DNAJB12: variants seen among roughly 807,000 people sequenced by gnomAD.
DNAJB12 encodes the protein DnaJ heat shock protein family (Hsp40) member B12, also known as dnaJ homolog subfamily B member 12.
Under a neutral mutation model 40.6 loss-of-function variants are expected in DNAJB12, and 14 were observed. That is an observed-to-expected ratio of 0.34 (90% CI 0.23 to 0.54). DNAJB12 has a LOEUF of 0.54. Ranked by LOEUF, DNAJB12 falls within the 20% of genes least tolerant of loss-of-function variation. DNAJB12 has a pLI of 0.92. For synonymous variants in DNAJB12, 181 were observed against 199.5 expected, an observed-to-expected ratio of 0.91 and a Z score of 0.78; for missense variants, 444 against 501.7, an observed-to-expected ratio of 0.89 and a Z score of 1.10.
At chr10:72,347,413 T>C (rs1021624775) in intron 1 of DNAJB12, among the ~76,000 whole-genome samples, 9 of 152,216 alleles carry the variant, frequency 5.9e-5, no homozygotes, top group African/African-American at 2.2e-4. Flanking sequence ...CTGGAGGCCT[T>C]TGCTTAGCTG....
intron 3 of DNAJB12, among the ~76,000 whole-genome samples, chr10:72,343,161 T>C (rs1301924579): frequency 6.6e-6 from 1 of 152,222 alleles, no homozygotes; most frequent in African/African-American, 2.4e-5. Context: ...GGAATGGTGC[T>C]ATCTGAGCTC....
intron 1 of DNAJB12, 122 bp downstream of exon 1, chr10:72,354,643 A>G: frequency 1.1e-6 from 1 of 922,894 alleles, no homozygotes; most frequent in Non-Finnish European, 1.6e-6. Flanking sequence ...CGCGCGCCTC[A>G]GTGCGCAGGC....
chr10:72,339,448 C>T (rs891402881), intron 5 of DNAJB12, among the ~76,000 whole-genome samples: 2 of 151,764 alleles, frequency 1.3e-5, no homozygotes, highest in African/African-American at 2.4e-5. Context: ...ACAGGAGAAT[C>T]ACTTGAACCT....
At chr10:72,343,825 G>A (rs538934223) in intron 2 of DNAJB12, among the ~76,000 whole-genome samples, 37 of 151,948 alleles carry the variant, frequency 2.4e-4, no homozygotes, top group Non-Finnish European at 4.7e-4. Flanking sequence ...GAGGACTGTC[G>A]GTGTCCATCA....
chr10:72,333,459 A>G lies in DNAJB12; in HGVS notation c.*1189T>C, dbSNP rs934339086. On this transcript the variant is annotated 3_prime_UTR_variant, in exon 9 of 9. Coordinates refer to ENST00000444643, the MANE Select transcript of DNAJB12 (RefSeq NM_017626.7). ...GAGGAGGCCTGGCGGTCACATCAAC[A>G]GCGAGTGAAGACAGAGGCAGCCACG... 1 of 152,598 alleles carries G rather than the reference A, an allele frequency of 6.6e-6. No individual in the cohort carries two copies. The highest frequency in any genetic ancestry group is 1.5e-5 in the Non-Finnish European group (1 of 68,064). 9.5% of individuals were successfully genotyped at this position (152,598 alleles called of 1,614,324 possible). A position where few individuals can be genotyped will look rare whatever the true frequency, so the allele number is the denominator to read the frequency against.
At chr10:72,334,793 T>A (rs547187309) in intron 8 of DNAJB12, 176 bp from the exon 9 acceptor site, 2 of 1,386,838 alleles carry the variant, frequency 1.4e-6, no homozygotes, top group South Asian at 3.4e-5. Flanking sequence ...CAGGCACAAA[T>A]GGCCTCCAGG....
In DNAJB12 at chr10:72,335,602, C is replaced by T; in HGVS notation, c.*30+178G>A. ...AGCATCGCTAGAGGGCGGAAACCGA[C>T]CTTGGTTTCCCAGCAGGCCCCACAG... On this transcript the variant is annotated intron_variant, in intron 8 of 8. Coordinates refer to ENST00000444643, the MANE Select transcript of DNAJB12 (RefSeq NM_017626.7). This position sits in a 1 kb window ranked among gnomAD's most constrained non-coding sequence, Gnocchi z 4.4. 7.2e-7 allele frequency: 1 copy of T among 1,390,466 alleles called. No individual in the cohort carries two copies. The highest frequency in any genetic ancestry group is 9.3e-7 in the Non-Finnish European group (1 of 1,071,998). The allele number at this position is 1,390,466 out of a possible 1,614,324, so 86.1% of individuals were successfully genotyped here. A position where few individuals can be genotyped will look rare whatever the true frequency, so the allele number is the denominator to read the frequency against.
intron 4 of DNAJB12, 43 bp from the exon 5 acceptor site, chr10:72,340,911 A>T: frequency 6.2e-7 from 1 of 1,610,770 alleles, no homozygotes; most frequent in Non-Finnish European, 8.5e-7. Flanking sequence ...GTCTGTTGGG[A>T]AAGGGAGAGG....
intron 1 of DNAJB12, among the ~76,000 whole-genome samples, chr10:72,350,692 T>C (rs1214223953): frequency 1.3e-5 from 2 of 152,106 alleles, no homozygotes. Flanking sequence ...GGGCCTGGGA[T>C]TGGAGATGGA....
intron 1 of DNAJB12, among the ~76,000 whole-genome samples, chr10:72,349,462 C>T (rs1434920982): frequency 6.6e-6 from 1 of 152,162 alleles, no homozygotes; most frequent in Non-Finnish European, 1.5e-5. Flanking sequence ...TCCATGCCAG[C>T]TACCAAGGGG....
At chr10:72,347,601 T>G (rs1861824365) in intron 1 of DNAJB12, among the ~76,000 whole-genome samples, 1 of 152,222 alleles carries the variant, frequency 6.6e-6, no homozygotes, top group South Asian at 2.1e-4. Context: ...ACTATCACCC[T>G]CGGCAGCATC....
intron 2 of DNAJB12, 143 bp from the exon 3 acceptor site, chr10:72,343,654 G>T: frequency 1.2e-6 from 1 of 864,460 alleles, no homozygotes; most frequent in Non-Finnish European, 1.8e-6. Context: ...TGGGTCAGCT[G>T]TGTGACACCA....
rs1333561434 is a variant in DNAJB12 at position 72,335,726 on chromosome 10, G to C, written c.*30+54C>G. The C allele has an allele frequency of 1.4e-5, 22 of 1,583,646 alleles. No homozygotes were observed. Among genetic ancestry groups the C allele is most frequent in the Non-Finnish European group, 1.6e-5 (19 of 1,163,972 alleles). ...TTCTCCCCCTCCCTCCTCTGCTCAT[G>C]ACCAGGGCCAAAGCTGCCAGGAGTT... On this transcript the variant is annotated intron_variant, in intron 8 of 8. Transcript: ENST00000444643. The surrounding 1 kb of genome is among the most constrained non-coding windows in gnomAD (Gnocchi z 4.4).
Position 72,336,737 on chromosome 10 carries a change from A to G in DNAJB12, c.834-41T>C, listed in dbSNP as rs1271837256. On this transcript the variant is annotated intron_variant, in intron 6 of 8. Transcript: ENST00000444643. ...AGGTTCAAAGTGGGTGCGGGTCCCC[A>G]TGCCCAGGGCACTCTAGGGGTATGG... is the stretch of plus-strand genomic sequence containing the variant. The G allele has an allele frequency of 4.4e-6, 7 of 1,588,512 alleles. No individual in the cohort carries two copies. In the African/African-American group the frequency reaches 8.1e-5, roughly 18 times the overall value.
Position 72,333,149 on chromosome 10 carries a change from T to C in DNAJB12, c.*1499A>G, listed in dbSNP as rs1437555070. On this transcript the variant is annotated 3_prime_UTR_variant, in exon 9 of 9. Transcript: ENST00000444643. ...CCTTTCCCAGCAAGAATCCTATTTG[T>C]TGGGGGACTTTTAAAAAAAGAGCCG... 6.6e-6 allele frequency: 1 copy of C among 152,180 alleles called. No individual in the cohort carries two copies. Among genetic ancestry groups the C allele is most frequent in the Non-Finnish European group, 1.5e-5 (1 of 68,022 alleles). 9.4% of individuals were successfully genotyped at this position (152,180 alleles called of 1,614,324 possible).
chr10:72,348,628 T>C (rs1414987680), intron 1 of DNAJB12, among the ~76,000 whole-genome samples: 4 of 152,254 alleles, frequency 2.6e-5, no homozygotes, highest in Admixed American at 1.3e-4. Flanking sequence ...CACTGTGCCC[T>C]GGGCCACTGC....
intron 1 of DNAJB12, among the ~76,000 whole-genome samples, chr10:72,352,200 C>A (rs1391015214): frequency 2.0e-5 from 3 of 152,222 alleles, no homozygotes; most frequent in Non-Finnish European, 4.4e-5. Flanking sequence ...GGTTTCCTCA[C>A]TAACTACAGA....
chr10:72,334,167 T>C lies in DNAJB12; in HGVS notation c.*481A>G, dbSNP rs1485286754. Reference sequence around the variant, plus strand: ...CTATTTACATATAAATAGATATATATACATATACACGCATCTATAAATTAC... The same window carrying C: ...CTATTTACATATAAATAGATATATACACATATACACGCATCTATAAATTAC... On this transcript the variant is annotated 3_prime_UTR_variant, in exon 9 of 9. Coordinates refer to ENST00000444643, the MANE Select transcript of DNAJB12 (RefSeq NM_017626.7). 1 of 219,220 alleles carries C rather than the reference T, an allele frequency of 4.6e-6. No individual in the cohort carries two copies. Among genetic ancestry groups the C allele is most frequent in the East Asian group, 1.6e-4 (1 of 6,380 alleles). 13.6% of individuals were successfully genotyped at this position (219,220 alleles called of 1,614,324 possible). A position where few individuals can be genotyped will look rare whatever the true frequency, so the allele number is the denominator to read the frequency against.
At position 72,354,885 on chromosome 10, in the gene DNAJB12, T is replaced by G; in HGVS notation, c.13A>C (p.Lys5Gln). The G allele has an allele frequency of 6.2e-7, 1 of 1,614,054 alleles. No homozygotes were observed. Among genetic ancestry groups the G allele is most frequent in the Non-Finnish European group, 8.5e-7 (1 of 1,179,926 alleles). MESN[K>Q]DEAERCISIA... is the part of the protein sequence containing the mutation. Reference sequence around the variant, plus strand: ...CTGATACAGCGCTCAGCTTCATCCTTGTTGGATTCCATGGCGGAACCAGAA... The same window carrying G: ...CTGATACAGCGCTCAGCTTCATCCTGGTTGGATTCCATGGCGGAACCAGAA... The change falls in exon 1 of 9, where the codon AAG becomes CAG. Residue 5 changes from lysine (K) to glutamine (Q), a missense_variant. Transcript: ENST00000444643.
Sources: gnomAD v4.1 joint callset for allele counts (sites outside exome capture counted in the v4.1 genomes callset) on GRCh38, gnomAD v4.1.1 for gene constraint, Gnocchi (gnomAD v3.1) non-coding constraint, MANE v1.5 for transcripts, NCBI Gene and HGNC (gene_info 2026-07-23, HGNC 2026-07-21) for gene names.